The following SLC2A9 variants were observed in gnomAD, a reference collection of about 807,000 sequenced individuals.
SLC2A9 encodes solute carrier family 2 member 9.
A neutral mutation model predicts 50.6 loss-of-function variants in SLC2A9; 39 were observed. The ratio of observed to expected loss-of-function variants is 0.77; its 90% CI spans 0.60 to 1.01. SLC2A9 has a LOEUF of 1.01. SLC2A9 is among the 50% of genes least tolerant of loss of function. SLC2A9 has a pLI of 0.00. For synonymous variants in SLC2A9, 324 were observed against 276.9 expected, an observed-to-expected ratio of 1.17 and a Z score of -1.69; for missense variants, 686 against 677.6, an observed-to-expected ratio of 1.01 and a Z score of -0.14.
At chr4:9,843,906 C>A (rs1054809513) in intron 10 of SLC2A9, among the ~76,000 whole-genome samples, 5 of 152,084 alleles carry the variant, frequency 3.3e-5, no homozygotes, top group Non-Finnish European at 7.4e-5. Flanking sequence ...GTTTGCCCAC[C>A]AATTTGCTTT....
chr4:9,783,366 A>G lies in SLC2A9; in HGVS notation n.386-3301T>C, dbSNP rs376052395. 3.6e-5 allele frequency: 58 copies of G among 1,614,202 alleles called. No homozygotes were observed. The African/African-American group carries it at 6.0e-4, about 17-fold the overall frequency. On this transcript the variant is annotated intron_variant and non_coding_transcript_variant, in intron 3 of 3. Coordinates refer to the SLC2A9 transcript ENST00000503803. ...TTCCAGATCTATCAGACGTCCCCAG[A>G]TGGTGACCCTGTTGCTGAGTCTGTC...
chr4:9,814,262 A>G (rs972107872), intron 3 of SLC2A9, among the ~76,000 whole-genome samples: 1 of 152,238 alleles, frequency 6.6e-6, no homozygotes, highest in African/African-American at 2.4e-5. Context: ...CATTTTCTCA[A>G]CTTCTTGAAG....
intron 3 of SLC2A9, among the ~76,000 whole-genome samples, chr4:9,815,690 T>A (rs1328868616): frequency 1.3e-5 from 2 of 152,152 alleles, no homozygotes; most frequent in African/African-American, 2.4e-5. Flanking sequence ...GTAAAAGGTG[T>A]TACATGTGTG....
chr4:9,893,572 G>C (rs1487470800), intron 8 of SLC2A9, among the ~76,000 whole-genome samples: 1 of 148,542 alleles, frequency 6.7e-6, no homozygotes, highest in East Asian at 2.0e-4. Flanking sequence ...GAGAGAATGA[G>C]GGAGGGAGGG....
chr4:9,776,931 C>G (rs950435918), downstream of SLC2A9, among the ~76,000 whole-genome samples: 1 of 152,142 alleles, frequency 6.6e-6, no homozygotes, highest in African/African-American at 2.4e-5. Flanking sequence ...GATATCCTGA[C>G]CCTTTTACCT....
At chr4:10,036,244 A>G (rs1037247623) in intron 1 of SLC2A9, 3 of 152,242 alleles carry the variant, frequency 2.0e-5, no homozygotes, top group Non-Finnish European at 4.4e-5. Context: ...CTTCGGTTCC[A>G]TCACTTGCAA....
At chr4:9,951,817 C>A (rs1359329374) in intron 5 of SLC2A9, among the ~76,000 whole-genome samples, 1 of 152,186 alleles carries the variant, frequency 6.6e-6, no homozygotes, top group Non-Finnish European at 1.5e-5. Context: ...CTTTAAAAAG[C>A]TTGAAAAGTA....
At chr4:10,029,060 C>T (rs549559916) in intron 1 of SLC2A9, 111 of 152,438 alleles carry the variant, frequency 7.3e-4, no homozygotes, top group Admixed American at 1.8e-3. Context: ...TCATCCAAGT[C>T]CAAATGCCTG....
chr4:9,961,645 A>G (rs1268022009), intron 5 of SLC2A9, among the ~76,000 whole-genome samples: 3 of 152,236 alleles, frequency 2.0e-5, no homozygotes, highest in Non-Finnish European at 4.4e-5. Context: ...CATTCAGGAC[A>G]TAGGCATGGG....
chr4:9,805,969 C>A (rs1458786673), intron 3 of SLC2A9, among the ~76,000 whole-genome samples: 1 of 152,220 alleles, frequency 6.6e-6, no homozygotes, highest in Non-Finnish European at 1.5e-5. Flanking sequence ...AGTCCCACAG[C>A]AAGTACGCGG....
intron 11 of SLC2A9, among the ~76,000 whole-genome samples, chr4:9,830,391 A>T (rs534180832): frequency 1.3e-5 from 2 of 152,322 alleles, no homozygotes; most frequent in South Asian, 4.1e-4. Context: ...TGTTAGGAAG[A>T]ATAGCTAATG....
chr4:9,999,504 T>C (rs1207535982), intron 2 of SLC2A9, among the ~76,000 whole-genome samples: 1 of 152,112 alleles, frequency 6.6e-6, no homozygotes, highest in Non-Finnish European at 1.5e-5. Flanking sequence ...AGGAAAGTGT[T>C]CCAGGCAGAG....
chr4:9,909,646 G>A (rs1479109796), intron 7 of SLC2A9, among the ~76,000 whole-genome samples: 3 of 152,188 alleles, frequency 2.0e-5, no homozygotes, highest in Admixed American at 1.3e-4. Flanking sequence ...TCAGGAACTG[G>A]GTGAGAATTG....
At chr4:10,013,344 G>A (rs1762082030) in intron 2 of SLC2A9, among the ~76,000 whole-genome samples, 1 of 152,210 alleles carries the variant, frequency 6.6e-6, no homozygotes, top group Admixed American at 6.5e-5. Flanking sequence ...ACGAGGTGCA[G>A]GTGTTCTCTT....
intron 10 of SLC2A9, among the ~76,000 whole-genome samples, chr4:9,865,350 T>C (rs1732280182): frequency 1.3e-5 from 2 of 152,276 alleles, no homozygotes; most frequent in African/African-American, 4.8e-5. Flanking sequence ...GACCCTGTCA[T>C]AGATTTTTCT....
At chr4:9,777,762 G>A (rs1200873781), downstream of SLC2A9, among the ~76,000 whole-genome samples, 1 of 152,236 alleles carries the variant, frequency 6.6e-6, no homozygotes, top group African/African-American at 2.4e-5. Flanking sequence ...AGGCGGTGAT[G>A]TGAAAGATGG....
At chr4:10,025,891 A>G (rs1285632237), upstream of SLC2A9, 7 of 1,613,716 alleles carry the variant, frequency 4.3e-6, no homozygotes, top group African/African-American at 4.0e-5. Flanking sequence ...GACAGAAAAA[A>G]AAAAGGACTG....
intron 2 of SLC2A9, among the ~76,000 whole-genome samples, chr4:10,002,175 G>A (rs1160128581): frequency 2.6e-5 from 4 of 152,214 alleles, no homozygotes; most frequent in Non-Finnish European, 5.9e-5. Flanking sequence ...AGTGATTTAG[G>A]GTAGTATCTC....
intron 5 of SLC2A9, among the ~76,000 whole-genome samples, chr4:9,948,594 C>T (rs897391123): frequency 6.6e-6 from 1 of 152,198 alleles, no homozygotes; most frequent in South Asian, 2.1e-4. Context: ...CAGCCCTCCC[C>T]AAGAACAAAC....
Sources: gnomAD v4.1 joint callset for allele counts (sites outside exome capture counted in the v4.1 genomes callset) on GRCh38, gnomAD v4.1.1 for gene constraint, MANE v1.5 for transcripts, NCBI Gene and HGNC (gene_info 2026-07-23, HGNC 2026-07-21) for gene names.